Variants in CD200R1L observed in about 807,000 individuals in gnomAD.
CD200R1L encodes CD200 receptor 1 like.
In CD200R1L, 14 loss-of-function variants were observed where a neutral mutation model predicts 24.8. The ratio of observed to expected loss-of-function variants is 0.56; its 90% CI spans 0.37 to 0.88. The LOEUF is 0.88. Among genes scored for constraint, CD200R1L ranks in the 40% least tolerant of loss-of-function variants. The pLI is 0.00. For missense variants in CD200R1L, 299 were observed against 297.8 expected, an observed-to-expected ratio of 1.00 and a Z score of -0.03; for synonymous variants, 111 against 109.2, an observed-to-expected ratio of 1.02 and a Z score of -0.11.
rs74437029 is a variant in CD200R1L, at chr3:112,817,580, C to T, written c.741-1605G>A. ...AGGGCAGAGCCATAAGATAAAGTGA[C>T]AGCTTAAAGCAACACCTCTCTTCTC... is the stretch of plus-strand genomic sequence containing the variant. On this transcript the variant is annotated intron_variant, in intron 7 of 7. Coordinates refer to ENST00000488794, the MANE Select transcript of CD200R1L (RefSeq NM_001199215.3). Among the ~76,000 whole-genome samples the T allele has an allele frequency of 6.5e-3, 991 of 152,322 alleles. 13 individuals are homozygous for T. The highest frequency in any genetic ancestry group is 0.023 in the African/African-American group (950 of 41,560).
chr3:112,830,115 G>A (rs1873041), intron 3 of CD200R1L, among the ~76,000 whole-genome samples: 7,153 of 152,182 alleles, frequency 0.047, 334 homozygotes, highest in Admixed American at 0.13. Flanking sequence ...ACTGCAGAAA[G>A]GTAAGGAAAA....
At chr3:112,828,061 G>A (rs1938710537) in intron 4 of CD200R1L, among the ~76,000 whole-genome samples, 1 of 152,300 alleles carries the variant, frequency 6.6e-6, no homozygotes, top group South Asian at 2.1e-4. Context: ...AGGTGGTAGA[G>A]ACTACTGTAT....
chr3:112,815,779 G>A lies in CD200R1L; in HGVS notation c.*184C>T. On this transcript the variant is annotated 3_prime_UTR_variant, in exon 8 of 8. Transcript: ENST00000488794. ...ATGAATAGGTGGTTGAGGGTTTATA[G>A]GGAAACTTCATGGTCATCAAGCCCA... 1.7e-6 allele frequency: 1 copy of A among 574,402 alleles called. No individual in the cohort carries two copies. Among genetic ancestry groups the A allele is most frequent in the Non-Finnish European group, 3.2e-6 (1 of 316,292 alleles). 35.6% of individuals were successfully genotyped at this position (574,402 alleles called of 1,614,324 possible).
intron 7 of CD200R1L, among the ~76,000 whole-genome samples, chr3:112,817,499 C>T (rs1410023700): frequency 6.6e-6 from 1 of 152,120 alleles, no homozygotes; most frequent in Non-Finnish European, 1.5e-5. Context: ...ACATAACATC[C>T]TCTATTCTGT....
intron 3 of CD200R1L, among the ~76,000 whole-genome samples, chr3:112,836,227 C>T (rs914690939): frequency 5.9e-5 from 9 of 152,292 alleles, no homozygotes; most frequent in African/African-American, 1.4e-4. Context: ...GTCCCATCAC[C>T]GCCACTGCTG....
chr3:112,820,627 C>T (rs368197827), intron 6 of CD200R1L, among the ~76,000 whole-genome samples: 4 of 151,620 alleles, frequency 2.6e-5, no homozygotes, highest in East Asian at 2.0e-4. Context: ...GATGGGGTTT[C>T]GTCATGTTGG....
chr3:112,835,502 A>G (rs779206821), intron 3 of CD200R1L, among the ~76,000 whole-genome samples: 2 of 152,234 alleles, frequency 1.3e-5, no homozygotes, highest in Non-Finnish European at 2.9e-5. Context: ...CAGTTGGTCC[A>G]TGGGTGCCCA....
In CD200R1L at chr3:112,832,352, T is replaced by C. The variant is rs184578167; in HGVS notation, c.-17-2968A>G. 2.0e-5 allele frequency among the ~76,000 whole-genome samples: 3 copies of C among 152,326 alleles called. No homozygotes were observed. The East Asian group carries it at 5.8e-4, about 29-fold the overall frequency. ...CCACAGACTTATACAGTGGTGATTT[T>C]TCAGTTGCTGAATATTTAATTAGAA... On this transcript the variant is annotated intron_variant, in intron 3 of 7. Coordinates refer to ENST00000488794, the MANE Select transcript of CD200R1L (RefSeq NM_001199215.3).
chr3:112,837,454 C>T (rs926436283), intron 3 of CD200R1L, among the ~76,000 whole-genome samples: 3 of 152,194 alleles, frequency 2.0e-5, no homozygotes, highest in African/African-American at 7.2e-5. Flanking sequence ...GCACACTAAA[C>T]TCCTCCCACC....
intron 2 of CD200R1L, among the ~76,000 whole-genome samples, chr3:112,839,778 A>G (rs1300093611): frequency 6.6e-6 from 1 of 152,226 alleles, no homozygotes; most frequent in Admixed American, 6.5e-5. Context: ...GTCTTTGCCC[A>G]TAGAAGCAGC....
At chr3:112,823,934 T>C (rs1477937043) in intron 6 of CD200R1L, among the ~76,000 whole-genome samples, 1 of 48,102 alleles carries the variant, frequency 2.1e-5, no homozygotes, top group East Asian at 4.5e-4. Flanking sequence ...AGGTTGTGAT[T>C]TGTCAAAGTG....
At chr3:112,828,620 G>A (rs1182730356) in intron 4 of CD200R1L, among the ~76,000 whole-genome samples, 2 of 152,144 alleles carry the variant, frequency 1.3e-5, no homozygotes, top group African/African-American at 4.8e-5. Context: ...TTTCCTCATA[G>A]ATTTTATTTC....
At position 112,843,637 on chromosome 3, in the gene CD200R1L, C is replaced by T. The variant is rs530476088; in HGVS notation, c.-87+2042G>A. 6.0e-4 allele frequency among the ~76,000 whole-genome samples: 92 copies of T among 152,282 alleles called. 1 individual carries two copies. The Middle Eastern group carries it at 0.014, about 23-fold the overall frequency. On this transcript the variant is annotated intron_variant, in intron 2 of 7. Transcript: ENST00000488794. Reference sequence around the variant, plus strand: ...CTTAAGACATAGCCCTATAAAGAAACTACACAATCAAGACTATAAAGCAAC... The same window carrying T: ...CTTAAGACATAGCCCTATAAAGAAATTACACAATCAAGACTATAAAGCAAC...
intron 7 of CD200R1L, among the ~76,000 whole-genome samples, 194 bp from the exon 8 acceptor site, chr3:112,816,169 A>G (rs1938385318): frequency 6.6e-6 from 1 of 152,232 alleles, no homozygotes; most frequent in Admixed American, 6.5e-5. Flanking sequence ...AAACAACCAT[A>G]AAACCTCTGT....
At chr3:112,834,704 T>G (rs1938891101) in intron 3 of CD200R1L, among the ~76,000 whole-genome samples, 1 of 152,232 alleles carries the variant, frequency 6.6e-6, no homozygotes. Flanking sequence ...CTGGTGCTAT[T>G]GGCCTGGATC....
In CD200R1L at chr3:112,815,762, G is replaced by A. The variant is rs911511713; in HGVS notation, c.*201C>T. On this transcript the variant is annotated 3_prime_UTR_variant, in exon 8 of 8. Transcript: ENST00000488794. ...TAACACAAAAGAAGTCAATGAATAGGTGGTTGAGGGTTTATAGGGAAACTT... is the reference window on the plus strand; with the variant it reads ...TAACACAAAAGAAGTCAATGAATAGATGGTTGAGGGTTTATAGGGAAACTT... 9.1e-6 allele frequency: 5 copies of A among 547,346 alleles called. No individual in the cohort carries two copies. The highest frequency in any genetic ancestry group is 1.7e-5 in the Non-Finnish European group (5 of 301,956). The allele number at this position is 547,346 out of a possible 1,614,324, so 33.9% of individuals were successfully genotyped here.
intron 2 of CD200R1L, among the ~76,000 whole-genome samples, chr3:112,843,260 G>A (rs750061260): frequency 3.9e-5 from 6 of 152,142 alleles, no homozygotes; most frequent in Non-Finnish European, 7.3e-5. Flanking sequence ...AAGACACATA[G>A]TCATTAGACT....
rs111891155 is a variant in CD200R1L at position 112,816,548 on chromosome 3, G to A, written c.741-573C>T. 4.3e-4 allele frequency among the ~76,000 whole-genome samples: 66 copies of A among 152,318 alleles called. 1 individual carries two copies. The highest frequency in any genetic ancestry group is 1.5e-3 in the African/African-American group (62 of 41,578). On this transcript the variant is annotated intron_variant, in intron 7 of 7. Transcript: ENST00000488794. The stretch of plus-strand genomic sequence containing the variant: ...AACTGAAAAATTACATGGATAGACG[G>A]AGAGGTGAAGATTTAGAGTCATGGA...
At chr3:112,829,425 T>C in intron 3 of CD200R1L, 41 bp from the exon 4 acceptor site, 1 of 1,557,348 alleles carries the variant, frequency 6.4e-7, no homozygotes, top group Non-Finnish European at 8.9e-7. Flanking sequence ...ATCAATTTTA[T>C]GTACTCAGAA....
Sources: gnomAD v4.1 joint callset for allele counts (sites outside exome capture counted in the v4.1 genomes callset) on GRCh38, gnomAD v4.1.1 for gene constraint, MANE v1.5 for transcripts, NCBI Gene and HGNC (gene_info 2026-07-23, HGNC 2026-07-21) for gene names.